Variants in SETD1B observed in about 807,000 individuals in gnomAD.
The protein encoded by SETD1B is SET domain containing 1B, histone lysine methyltransferase.
SETD1B carries 7 observed loss-of-function variants against 148.0 expected under a neutral mutation model. The observed-to-expected ratio is 0.05, with a 90% CI of 0.03 to 0.09. SETD1B has a LOEUF of 0.09. SETD1B is among the 10% of genes least tolerant of loss of function. SETD1B has a pLI of 1.00. For synonymous variants in SETD1B, 1,361 were observed against 1,186.5 expected (o/e 1.15, Z -3.02); for missense variants, 2,155 against 2,729.9 (o/e 0.79, Z 4.69).
chr12:121,804,579 G>T lies in SETD1B; in HGVS notation c.-14-145G>T, dbSNP rs1875617742. ...TTCTCTCGCTCCATTCTTGTTTTGG[G>T]GGGAGCCAGCGAGACAGCTCCTTTC... On this transcript the variant is annotated intron_variant, in intron 1 of 16. Coordinates refer to ENST00000604567, the MANE Select transcript of SETD1B (RefSeq NM_001353345.2). This position sits in a 1 kb window ranked among gnomAD's most constrained non-coding sequence, Gnocchi z 4.6. 1 of 647,732 alleles carries T rather than the reference G, an allele frequency of 1.5e-6. No homozygotes were observed. The highest frequency in any genetic ancestry group is 2.6e-6 in the Non-Finnish European group (1 of 383,436). 40.1% of individuals were successfully genotyped at this position (647,732 alleles called of 1,614,324 possible).
chr12:121,806,522 T>G (rs1592974202), intron 4 of SETD1B, among the ~76,000 whole-genome samples: 1 of 152,252 alleles, frequency 6.6e-6, no homozygotes, highest in Middle Eastern at 3.4e-3. Context: ...AGAGAAGGTC[T>G]GAAAACTGAA....
At chr12:121,798,400 G>T in the SETD1B span, among the ~76,000 whole-genome samples, 1 of 152,234 alleles carries the variant, frequency 6.6e-6, no homozygotes, top group Non-Finnish European at 1.5e-5. Context: ...GCTGGTGCGG[G>T]GGGAAGCTCT....
In SETD1B at chr12:121,823,267, G is replaced by C; in HGVS notation, c.4688G>C (p.Ser1563Thr). The change falls in exon 12 of 17, where the codon AGC (serine) becomes ACC (threonine). Residue 1563 changes from serine (S) to threonine (T), a missense_variant. Physicochemically the swap from Ser to Thr is moderately conservative, Grantham distance 58. Transcript: ENST00000604567. Reference sequence around the variant, plus strand: ...CAGCCACAGACCCCCGTCTTCCCCAGCACCCATGACCCCCGGACGGTGACC... The same window carrying C: ...CAGCCACAGACCCCCGTCTTCCCCACCACCCATGACCCCCGGACGGTGACC... ...PGQPQTPVFPSTHDPRTVTLD... is the reference protein window; with the variant it reads ...PGQPQTPVFPTTHDPRTVTLD... The C allele has an allele frequency of 8.4e-6, 13 of 1,549,870 alleles. No homozygotes were observed. The highest frequency in any genetic ancestry group is 1.2e-5 in the South Asian group (1 of 84,060).
chr12:121,822,859 G>T lies in SETD1B; in HGVS notation c.4280G>T (p.Gly1427Val). 1 of 1,486,820 alleles carries T rather than the reference G, an allele frequency of 6.7e-7. No homozygotes were observed. Among genetic ancestry groups the T allele is most frequent in the Non-Finnish European group, 9.0e-7 (1 of 1,112,634 alleles). 92.1% of individuals were successfully genotyped at this position (1,486,820 alleles called of 1,614,324 possible). A position where few individuals can be genotyped will look rare whatever the true frequency, so the allele number is the denominator to read the frequency against. The change falls in exon 12 of 17, where the codon GGC becomes GTC. Residue 1427 changes from glycine (G) to valine (V), a missense_variant. By Grantham distance (109) the Gly-to-Val change is moderately radical. This residue lies in a region of SETD1B where 862 missense variants were observed against 873.8 expected (regional missense o/e 0.99). Coordinates refer to ENST00000604567, the MANE Select transcript of SETD1B (RefSeq NM_001353345.2). The stretch of plus-strand genomic sequence containing the variant: ...AGTGGGGGCCTCCCTCGGACACCTG[G>T]CCGGGACTTCAGCTTCACACCCACC... ...LSSGGLPRTPGRDFSFTPTFS... is the reference protein window; with the variant it reads ...LSSGGLPRTPVRDFSFTPTFS...
At position 121,816,944 on chromosome 12, in the gene SETD1B, C is replaced by T. The variant is rs900129232; in HGVS notation, c.2716-89C>T. 87 of 1,225,090 alleles carry T rather than the reference C, an allele frequency of 7.1e-5. No homozygotes were observed. In the Admixed American group the frequency reaches 7.1e-4, roughly 10 times the overall value. The allele number at this position is 1,225,090 out of a possible 1,614,324, so 75.9% of individuals were successfully genotyped here. A position where few individuals can be genotyped will look rare whatever the true frequency, so the allele number is the denominator to read the frequency against. On this transcript the variant is annotated intron_variant, in intron 7 of 16. Coordinates refer to ENST00000604567, the MANE Select transcript of SETD1B (RefSeq NM_001353345.2). ...AGTTACCTGTGGTGGCTGTTACTGCCGAGTGGAAGGCAGGTAGCCTGGGGA... is the reference window on the plus strand; with the variant it reads ...AGTTACCTGTGGTGGCTGTTACTGCTGAGTGGAAGGCAGGTAGCCTGGGGA...
intron 7 of SETD1B, 121 bp downstream of exon 7, chr12:121,815,051 A>G (rs1445315566): frequency 1.1e-6 from 1 of 935,212 alleles, no homozygotes; most frequent in African/African-American, 1.7e-5. Flanking sequence ...CCACTATGGG[A>G]GCTCCATTTC....
chr12:121,797,202 G>A, the SETD1B span: 69 of 352,770 alleles, frequency 2.0e-4, no homozygotes, highest in African/African-American at 1.4e-3. Flanking sequence ...CAGAGGGTCC[G>A]AAAGGTCATG....
chr12:121,827,939 G>A lies in SETD1B; in HGVS notation c.5596G>A (p.Ala1866Thr). 6.4e-7 allele frequency: 1 copy of A among 1,552,060 alleles called. No individual in the cohort carries two copies. Among genetic ancestry groups the A allele is most frequent in the Non-Finnish European group, 8.7e-7 (1 of 1,147,108 alleles). ...GACCCCCTTTTGTGGCCAGGTGATC[G>A]CAGACATGCGGGAGAAGCGTTATGA... ...YVGQNIRQVIADMREKRYEDE... is the reference protein window; with the variant it reads ...YVGQNIRQVITDMREKRYEDE... The change falls in exon 16 of 17, where the codon GCA (alanine) becomes ACA (threonine). Residue 1866 changes from alanine (A) to threonine (T), a missense_variant. Ala to Thr is a moderately conservative substitution (Grantham distance 58). Around this residue, in one of 11 missense-constraint regions of SETD1B, gnomAD observed 51 missense variants for 162.8 expected, o/e 0.31. Transcript: ENST00000604567.
At chr12:121,819,233 A>G (rs1371068729) in intron 10 of SETD1B, among the ~76,000 whole-genome samples, 171 bp from the exon 11 acceptor site, 5 of 152,154 alleles carry the variant, frequency 3.3e-5, no homozygotes, top group African/African-American at 1.2e-4. Context: ...AACAAGAGCA[A>G]AACTCAAAAA....
the SETD1B span, chr12:121,797,502 CAG>C: frequency 1.6e-4 from 73 of 456,382 alleles, 3 homozygotes; most frequent in South Asian, 1.1e-3. Flanking sequence ...GGGACCAAAG[CAG>C]AGAGAGAGGG....
chr12:121,820,007 T>A (rs1233354633), intron 11 of SETD1B, 112 bp downstream of exon 11: 5 of 921,884 alleles, frequency 5.4e-6, no homozygotes, highest in Middle Eastern at 2.9e-4. Flanking sequence ...AGCCTCAGTT[T>A]CCCGTGTAAA....
At chr12:121,816,876 G>T (rs1299855292) in intron 7 of SETD1B, among the ~76,000 whole-genome samples, 157 bp from the exon 8 acceptor site, 1 of 152,202 alleles carries the variant, frequency 6.6e-6, no homozygotes, top group Non-Finnish European at 1.5e-5. Context: ...GAGCCTCGTG[G>T]GTAACGGCAT....
At position 121,808,412 on chromosome 12, in the gene SETD1B, C is replaced by T. The variant is rs544335235; in HGVS notation, c.657+92C>T. 9.4e-5 allele frequency: 72 copies of T among 767,314 alleles called. No individual in the cohort carries two copies. The South Asian group carries it at 1.1e-3, about 12-fold the overall frequency. The allele number at this position is 767,314 out of a possible 1,614,324, so 47.5% of individuals were successfully genotyped here. A position where few individuals can be genotyped will look rare whatever the true frequency, so the allele number is the denominator to read the frequency against. ...CTCACCAACTCTCTTATGGGACCCCCAGCCTACCCCCACCTCACTCCAGCT... is the reference window on the plus strand; with the variant it reads ...CTCACCAACTCTCTTATGGGACCCCTAGCCTACCCCCACCTCACTCCAGCT... On this transcript the variant is annotated intron_variant, in intron 5 of 16. Coordinates refer to ENST00000604567, the MANE Select transcript of SETD1B (RefSeq NM_001353345.2). This position sits in a 1 kb window ranked among gnomAD's most constrained non-coding sequence, Gnocchi z 5.3.
chr12:121,823,220 G>A lies in SETD1B; in HGVS notation c.4641G>A (p.Arg1547=). The change falls in exon 12 of 17, where the codon AGG becomes AGA. Residue 1547 remains arginine, a synonymous_variant. Coordinates refer to ENST00000604567, the MANE Select transcript of SETD1B (RefSeq NM_001353345.2). ...VRPPAGAALG[R]ELLLLPGQPQ... Reference sequence around the variant, plus strand: ...CACCAGCAGGGGCCGCCCTTGGAAGGGAACTCCTGCTCCTGCCGGGCCAGC... The same window carrying A: ...CACCAGCAGGGGCCGCCCTTGGAAGAGAACTCCTGCTCCTGCCGGGCCAGC... 1 of 1,549,442 alleles carries A rather than the reference G, an allele frequency of 6.5e-7. No individual in the cohort carries two copies. The highest frequency in any genetic ancestry group is 8.7e-7 in the Non-Finnish European group (1 of 1,146,820).
chr12:121,804,576 T>C lies in SETD1B; in HGVS notation c.-14-148T>C. The C allele has an allele frequency of 1.6e-6, 1 of 614,914 alleles. No homozygotes were observed. Among genetic ancestry groups the C allele is most frequent in the South Asian group, 2.0e-5 (1 of 49,742 alleles). The allele number at this position is 614,914 out of a possible 1,614,324, so 38.1% of individuals were successfully genotyped here. ...TTATTCTCTCGCTCCATTCTTGTTT[T>C]GGGGGGAGCCAGCGAGACAGCTCCT... On this transcript the variant is annotated intron_variant, in intron 1 of 16. Transcript: ENST00000604567. The surrounding 1 kb of genome is among the most constrained non-coding windows in gnomAD (Gnocchi z 4.6).
chr12:121,800,977 AG>A (rs905443887), upstream of SETD1B: 2 of 152,040 alleles, frequency 1.3e-5, no homozygotes, highest in African/African-American at 4.8e-5. Flanking sequence ...CTGCCAGACC[AG>A]CCCGGCCCAG....
At chr12:121,819,964 C>G in intron 11 of SETD1B, 69 bp downstream of exon 11, 1 of 1,362,276 alleles carries the variant, frequency 7.3e-7, no homozygotes, top group Non-Finnish European at 1.0e-6. Flanking sequence ...AGAATCAGCC[C>G]GGGCTTCCTG....
chr12:121,830,040 C>T lies in SETD1B; in HGVS notation c.5728-26C>T, dbSNP rs1217220895. ...GGGGGACCCTGGGGGACCAGGGGCT[C>T]ATTCTCCCCCCCACCTTGCCTGCAG... is the stretch of plus-strand genomic sequence containing the variant. On this transcript the variant is annotated intron_variant, in intron 16 of 16. Transcript: ENST00000604567. The surrounding 1 kb of genome is among the most constrained non-coding windows in gnomAD (Gnocchi z 5.7). 5 of 1,540,382 alleles carry T rather than the reference C, an allele frequency of 3.2e-6. No individual in the cohort carries two copies. The highest frequency in any genetic ancestry group is 1.4e-5 in the African/African-American group (1 of 72,800).
In SETD1B at chr12:121,823,529, T is replaced by G. The variant is rs1423461649; in HGVS notation, c.4950T>G (p.His1650Gln). The G allele has an allele frequency of 6.4e-6, 10 of 1,550,896 alleles. No individual in the cohort carries two copies. Among genetic ancestry groups the G allele is most frequent in the Non-Finnish European group, 8.7e-6 (10 of 1,146,888 alleles). The change falls in exon 12 of 17, where the codon CAT becomes CAG. Residue 1650 changes from histidine (H) to glutamine (Q), a missense_variant. His to Gln is a conservative substitution (Grantham distance 24). Transcript: ENST00000604567. Reference protein sequence around the residue: ...GPWRRPPKKRHEDLVPPAGSP... With the variant: ...GPWRRPPKKRQEDLVPPAGSP... The stretch of plus-strand genomic sequence containing the variant: ...GGCGCCGGCCACCTAAGAAGCGCCA[T>G]GAGGACCTGGTGCCACCTGCGGGCT...
Sources: allele counts gnomAD v4.1 joint callset (sites outside exome capture counted in the v4.1 genomes callset), GRCh38; gene constraint gnomAD v4.1.1; regional missense constraint gnomAD v4.1.1; non-coding constraint Gnocchi (gnomAD v3.1); transcripts MANE v1.5; gene names NCBI Gene and HGNC (gene_info 2026-07-23, HGNC 2026-07-21).